The following INPP4A variants were observed in gnomAD, a reference collection of about 807,000 sequenced individuals.
The protein encoded by INPP4A is inositol polyphosphate-4-phosphatase type I A.
Under a neutral mutation model 119.8 loss-of-function variants are expected in INPP4A, and 33 were observed. The observed-to-expected ratio is 0.28, with a 90% CI of 0.21 to 0.37. The LOEUF (loss-of-function observed/expected upper bound fraction) is 0.37, where lower values mean the gene tolerates loss of function less well. INPP4A is among the 10% of genes least tolerant of loss of function. The probability of loss-of-function intolerance (pLI) is 1.00; values close to 1 mark genes in which losing one functional copy is unlikely to be tolerated. For missense variants in INPP4A, 956 were observed against 1,289.9 expected (o/e 0.74, Z 3.97); for synonymous variants, 496 against 500.7 (o/e 0.99, Z 0.12).
At chr2:98,483,712 T>C (rs1444314568) in intron 1 of INPP4A, among the ~76,000 whole-genome samples, 1 of 152,148 alleles carries the variant, frequency 6.6e-6, no homozygotes, top group Non-Finnish European at 1.5e-5. Context: ...GTGGACCAGC[T>C]CTCAGTCCTT....
At chr2:98,563,286 GGGGCTAGA>G (rs796173777) in intron 17 of INPP4A, among the ~76,000 whole-genome samples, 171 bp from the exon 18 acceptor site, 30 of 152,310 alleles carry the variant, frequency 2.0e-4, no homozygotes, top group East Asian at 7.7e-4. Flanking sequence ...GGAAAGAGCT[GGGGCTAGA>G]GGGCTAGAGG....
At chr2:98,524,262 TG>T (rs11322760) in intron 4 of INPP4A, among the ~76,000 whole-genome samples, 37,028 of 152,182 alleles carry the variant, frequency 0.24, 4,644 homozygotes, top group Middle Eastern at 0.35. Context: ...ATTTATTTAG[TG>T]TTTATTCAGC....
At chr2:98,568,998 C>T (rs537238754) in intron 22 of INPP4A, 20 of 216,384 alleles carry the variant, frequency 9.2e-5, no homozygotes, top group Non-Finnish European at 1.8e-4. Context: ...GCAGGACCCA[C>T]CCTCGGCCAG....
intron 24 of INPP4A, among the ~76,000 whole-genome samples, chr2:98,580,954 CA>C (rs1417164083): frequency 6.6e-6 from 1 of 152,216 alleles, no homozygotes; most frequent in African/African-American, 2.4e-5. Flanking sequence ...CCCTAACTTG[CA>C]AAGATGGAAA....
chr2:98,537,768 G>A, intron 7 of INPP4A, 95 bp from the exon 8 acceptor site: 1 of 912,018 alleles, frequency 1.1e-6, no homozygotes, highest in Middle Eastern at 2.3e-4. Context: ...GCTGCCCCCA[G>A]GACCCTGATG....
intron 4 of INPP4A, among the ~76,000 whole-genome samples, chr2:98,525,073 A>G (rs1008277145): frequency 6.6e-6 from 1 of 152,136 alleles, no homozygotes. Flanking sequence ...TCTGGGGCCT[A>G]TTTCCTATCT....
At chr2:98,517,834 C>T (rs970992032) in intron 1 of INPP4A, among the ~76,000 whole-genome samples, 1 of 152,116 alleles carries the variant, frequency 6.6e-6, no homozygotes, top group African/African-American at 2.4e-5. Context: ...ATAATTAATG[C>T]CAGATGGCTT....
At position 98,530,093 on chromosome 2, in the gene INPP4A, C is replaced by CT. The variant is rs201658877; in HGVS notation, c.152-3283dup. On this transcript the variant is annotated intron_variant, in intron 4 of 24. Transcript: ENST00000409851. ...GACTTAAGACTCAAGAATATTCCAG[C>CT]TGCCAGGCATCTCCTTATGAGACTA... 6.6e-4 allele frequency among the ~76,000 whole-genome samples: 101 copies of CT among 152,048 alleles called. 2 individuals are homozygous for CT. In the East Asian group the frequency reaches 0.01, roughly 15 times the overall value.
chr2:98,542,651 G>T (rs1246485429), intron 10 of INPP4A, among the ~76,000 whole-genome samples: 1 of 151,934 alleles, frequency 6.6e-6, no homozygotes, highest in Non-Finnish European at 1.5e-5. Flanking sequence ...TCCTAATTTG[G>T]TTATGCTTTT....
chr2:98,541,624 C>G (rs1050823512), intron 10 of INPP4A, among the ~76,000 whole-genome samples: 2 of 152,132 alleles, frequency 1.3e-5, no homozygotes, highest in Non-Finnish European at 2.9e-5. Flanking sequence ...CTCTGTCACC[C>G]AGGCTGGAGT....
upstream of INPP4A, among the ~76,000 whole-genome samples, chr2:98,444,656 G>C (rs1693845647): frequency 6.6e-6 from 1 of 152,244 alleles, no homozygotes; most frequent in African/African-American, 2.4e-5. Flanking sequence ...CTCCTTGCAG[G>C]TGAAGCAGTC....
In INPP4A at chr2:98,544,027, G is replaced by T. The variant is rs1221820750; in HGVS notation, c.949+20G>T. On this transcript the variant is annotated intron_variant, in intron 11 of 24. Coordinates refer to ENST00000409851, the MANE Select transcript of INPP4A (RefSeq NM_001134225.2). The stretch of plus-strand genomic sequence containing the variant: ...ACAGAGGTGGGTGCACCCCCATGCT[G>T]TCACCACACACGCGTGCGCACACAC... 6.5e-7 allele frequency: 1 copy of T among 1,549,624 alleles called. No individual in the cohort carries two copies. Among genetic ancestry groups the T allele is most frequent in the Non-Finnish European group, 8.7e-7 (1 of 1,146,184 alleles).
chr2:98,475,986 T>A lies in INPP4A; in HGVS notation c.-166+30901T>A, dbSNP rs77613611. Among the ~76,000 whole-genome samples, 721 of 152,356 alleles carry A rather than the reference T, an allele frequency of 4.7e-3. 5 individuals are homozygous for A. Among genetic ancestry groups the A allele is most frequent in the African/African-American group, 0.016 (659 of 41,572 alleles). ...TAATCCACCCACAGGTAATCCAGAT[T>A]TGATGCAGAATTTTACTGAAATCAA... On this transcript the variant is annotated intron_variant, in intron 1 of 24. Transcript: ENST00000409851.
intron 1 of INPP4A, among the ~76,000 whole-genome samples, chr2:98,486,709 G>A (rs1390420505): frequency 1.3e-5 from 2 of 152,264 alleles, no homozygotes; most frequent in Admixed American, 1.3e-4. Context: ...AAAAGGCAAG[G>A]CAGAGAGGGT....
chr2:98,584,582 C>T (rs1699738582), intron 24 of INPP4A, among the ~76,000 whole-genome samples: 1 of 152,276 alleles, frequency 6.6e-6, no homozygotes, highest in African/African-American at 2.4e-5. Flanking sequence ...CCTTGATTGT[C>T]ACCACACCTT....
Position 98,546,541 on chromosome 2 carries a change from C to T in INPP4A, c.1055-45C>T, listed in dbSNP as rs889022048. ...CATATCCCTATAGCTGGCTTGTCCA[C>T]AGGCCTGAGCCCAGAGTAATGGAGG... On this transcript the variant is annotated intron_variant, in intron 12 of 24. Coordinates refer to ENST00000409851, the MANE Select transcript of INPP4A (RefSeq NM_001134225.2). The surrounding 1 kb of genome is among the most constrained non-coding windows in gnomAD (Gnocchi z 4.2). 1 of 1,422,594 alleles carries T rather than the reference C, an allele frequency of 7.0e-7. No homozygotes were observed. The highest frequency in any genetic ancestry group is 9.9e-7 in the Non-Finnish European group (1 of 1,010,688). The allele number at this position is 1,422,594 out of a possible 1,614,324, so 88.1% of individuals were successfully genotyped here. A position where few individuals can be genotyped will look rare whatever the true frequency, so the allele number is the denominator to read the frequency against.
intron 1 of INPP4A, among the ~76,000 whole-genome samples, chr2:98,510,323 G>C (rs546434530): frequency 6.6e-6 from 1 of 152,198 alleles, no homozygotes; most frequent in Non-Finnish European, 1.5e-5. Flanking sequence ...TGAGGGGCTG[G>C]TGAGGTGAAA....
intron 24 of INPP4A, among the ~76,000 whole-genome samples, chr2:98,586,184 C>T (rs1318386245): frequency 6.6e-6 from 1 of 152,212 alleles, no homozygotes; most frequent in African/African-American, 2.4e-5. Context: ...TCCAAGTTAC[C>T]AAATTAGTTA....
At chr2:98,568,971 T>G in intron 22 of INPP4A, 1 of 258,276 alleles carries the variant, frequency 3.9e-6, no homozygotes. Context: ...CTGGTAGGAC[T>G]TGGGGGAATC....
Sources: allele counts gnomAD v4.1 joint callset (sites outside exome capture counted in the v4.1 genomes callset), GRCh38; gene constraint gnomAD v4.1.1; non-coding constraint Gnocchi (gnomAD v3.1); transcripts MANE v1.5; gene names NCBI Gene and HGNC (gene_info 2026-07-23, HGNC 2026-07-21).